MYLK3: variants seen among roughly 807,000 people sequenced by gnomAD.
The protein encoded by MYLK3 is myosin light chain kinase 3.
A neutral mutation model predicts 76.3 loss-of-function variants in MYLK3; 55 were observed. The ratio of observed to expected loss-of-function variants is 0.72; its 90% CI spans 0.58 to 0.90. MYLK3 has a LOEUF of 0.90. Among genes scored for constraint, MYLK3 ranks in the 40% least tolerant of loss-of-function variants. The pLI, the probability that MYLK3 is intolerant of heterozygous loss-of-function variation, is 0.00. For synonymous variants in MYLK3, 416 were observed against 425.4 expected (o/e 0.98, Z 0.27); for missense variants, 973 against 1,053.6 (o/e 0.92, Z 1.06).
Position 46,709,595 on chromosome 16 carries a change from T to C in MYLK3, c.2344A>G (p.Thr782Ala). 1 of 1,614,154 alleles carries C rather than the reference T, an allele frequency of 6.2e-7. No individual in the cohort carries two copies. Among genetic ancestry groups the C allele is most frequent in the Non-Finnish European group, 8.5e-7 (1 of 1,180,012 alleles). Reference sequence around the variant, plus strand: ...AGCAGTAGTTGGGATTTGAGACGAGTTTTGGATCTTGAAGCTTTGGCAGGC... The same window carrying C: ...AGCAGTAGTTGGGATTTGAGACGAGCTTTGGATCTTGAAGCTTTGGCAGGC... ...NLPAKASRSK[T>A]RLKSQLLLQK... is the part of the protein sequence containing the mutation. Residue 782 changes from threonine to alanine, a missense_variant, in exon 12 of 13, where the codon ACT becomes GCT. Transcript: ENST00000394809.
At chr16:46,757,447 G>A (rs752179409) in intron 1 of MYLK3, 34 of 985,298 alleles carry the variant, frequency 3.5e-5, no homozygotes, top group South Asian at 4.7e-5. Context: ...GTAACCCGAC[G>A]CCCGCTGCTG....
rs981746151 is a variant in MYLK3 at position 46,702,681 on chromosome 16, G to C, written c.*5023C>G. Reference sequence around the variant, plus strand: ...TCACACCTGTAATCCCAGCACTTTGGGAGGCCGAGGTGGGCAGATCACGAG... The same window carrying C: ...TCACACCTGTAATCCCAGCACTTTGCGAGGCCGAGGTGGGCAGATCACGAG... On this transcript the variant is annotated 3_prime_UTR_variant, in exon 13 of 13. Coordinates refer to ENST00000394809, the MANE Select transcript of MYLK3 (RefSeq NM_182493.3). 5.6e-4 allele frequency among the ~76,000 whole-genome samples: 85 copies of C among 152,270 alleles called. No individual in the cohort carries two copies. The highest frequency in any genetic ancestry group is 1.9e-3 in the African/African-American group (79 of 41,546).
intron 1 of MYLK3, among the ~76,000 whole-genome samples, chr16:46,754,539 A>G (rs1207929434): frequency 6.6e-6 from 1 of 152,188 alleles, no homozygotes; most frequent in Non-Finnish European, 1.5e-5. Context: ...CCCCTTCGCC[A>G]TGGGATACCC....
At chr16:46,717,088 A>T (rs1484054618) in intron 9 of MYLK3, among the ~76,000 whole-genome samples, 1 of 152,200 alleles carries the variant, frequency 6.6e-6, no homozygotes, top group African/African-American at 2.4e-5. Context: ...GGGAACCCCA[A>T]CATGAAGACA....
Position 46,747,803 on chromosome 16 carries a change from T to G in MYLK3, c.391A>C (p.Thr131Pro). Residue 131 changes from threonine to proline, a missense_variant, in exon 1 of 13, where the codon ACG (threonine) becomes CCG (proline). Physicochemically the swap from Thr to Pro is conservative, Grantham distance 38 (BLOSUM62 -1). Coordinates refer to ENST00000394809, the MANE Select transcript of MYLK3 (RefSeq NM_182493.3). ...VDRAIALVGA[T>P]FQKSKVADFL... The stretch of plus-strand genomic sequence containing the variant: ...TCCGCCACCTTTGATTTCTGGAACG[T>G]GGCCCCCACCAAAGCGATGGCCCTG... The G allele has an allele frequency of 6.2e-7, 1 of 1,614,214 alleles. No individual in the cohort carries two copies. The highest frequency in any genetic ancestry group is 8.5e-7 in the Non-Finnish European group (1 of 1,180,038).
intron 1 of MYLK3, among the ~76,000 whole-genome samples, chr16:46,754,321 A>G (rs895318896): frequency 1.3e-5 from 2 of 152,148 alleles, no homozygotes; most frequent in Admixed American, 1.3e-4. Context: ...AAGAAAAAAA[A>G]AAAACACATA....
intron 1 of MYLK3, among the ~76,000 whole-genome samples, chr16:46,762,023 A>T (rs1376690527): frequency 1.3e-5 from 2 of 152,136 alleles, no homozygotes; most frequent in Non-Finnish European, 2.9e-5. Flanking sequence ...TGTTGCCAAA[A>T]CACAGGGGCG....
chr16:46,758,731 G>GT (rs1311734507), intron 1 of MYLK3, among the ~76,000 whole-genome samples: 2 of 152,148 alleles, frequency 1.3e-5, no homozygotes, highest in Non-Finnish European at 2.9e-5. Flanking sequence ...CACACAGCAC[G>GT]TAAGTAGCAA....
At chr16:46,739,911 T>C (rs1256154047) in intron 2 of MYLK3, 146 bp downstream of exon 2, 5 of 605,688 alleles carry the variant, frequency 8.3e-6, no homozygotes, top group Non-Finnish European at 1.5e-5. Flanking sequence ...TGGTGGGATA[T>C]ATATGACAAA....
At chr16:46,712,885 A>T (rs1966698683) in intron 9 of MYLK3, 109 bp from the exon 10 acceptor site, 1 of 1,171,198 alleles carries the variant, frequency 8.5e-7, no homozygotes, top group Non-Finnish European at 1.1e-6. Flanking sequence ...CATCAGCCAT[A>T]TGGCCTGGAC....
At chr16:46,718,609 A>G (rs774562424) in intron 9 of MYLK3, among the ~76,000 whole-genome samples, 1 of 152,034 alleles carries the variant, frequency 6.6e-6, no homozygotes, top group Non-Finnish European at 1.5e-5. Flanking sequence ...GTTTCCTTCC[A>G]CTCGTGGATG....
chr16:46,734,983 C>T (rs1169298908), intron 3 of MYLK3, among the ~76,000 whole-genome samples: 2 of 151,602 alleles, frequency 1.3e-5, no homozygotes, highest in Admixed American at 6.6e-5. Flanking sequence ...TCTACAAAAA[C>T]ATAAAAAATT....
chr16:46,711,642 C>G (rs1031396213), intron 10 of MYLK3: 7 of 441,830 alleles, frequency 1.6e-5, no homozygotes, highest in African/African-American at 1.2e-4. Flanking sequence ...TCCCAAAGTG[C>G]TGGGATTATA....
intron 2 of MYLK3, among the ~76,000 whole-genome samples, chr16:46,738,639 T>G (rs959113021): frequency 6.6e-6 from 1 of 152,226 alleles, no homozygotes; most frequent in Non-Finnish European, 1.5e-5. Context: ...TGGAGAATGG[T>G]GTGTCTGGCA....
intron 4 of MYLK3, 76 bp from the exon 5 acceptor site, chr16:46,730,774 CT>C: frequency 7.8e-7 from 1 of 1,276,646 alleles, no homozygotes; most frequent in Non-Finnish European, 1.1e-6. Context: ...GCCAGACCCA[CT>C]TAGCTTCTCT....
upstream of MYLK3, among the ~76,000 whole-genome samples, chr16:46,749,314 T>G (rs1208589673): frequency 6.6e-6 from 1 of 152,208 alleles, no homozygotes; most frequent in Non-Finnish European, 1.5e-5. Flanking sequence ...AGAGGGGCAT[T>G]TGCCCAAGGT....
chr16:46,728,479 G>A (rs1966846549), intron 7 of MYLK3, among the ~76,000 whole-genome samples: 1 of 152,206 alleles, frequency 6.6e-6, no homozygotes, highest in South Asian at 2.1e-4. Flanking sequence ...CCAGCACTTT[G>A]GGAAGCTGAG....
At chr16:46,711,664 G>A (rs1386913541) in intron 10 of MYLK3, 11 of 437,144 alleles carry the variant, frequency 2.5e-5, no homozygotes, top group Non-Finnish European at 4.6e-5. Flanking sequence ...GCATGATCCA[G>A]CTCCATTTGT....
intron 9 of MYLK3, among the ~76,000 whole-genome samples, chr16:46,715,915 C>T (rs1322009199): frequency 6.6e-6 from 1 of 152,194 alleles, no homozygotes; most frequent in Non-Finnish European, 1.5e-5. Flanking sequence ...TGCAAAACCC[C>T]CACAGATCCT....
Sources: gnomAD v4.1 joint callset for allele counts (sites outside exome capture counted in the v4.1 genomes callset) on GRCh38, gnomAD v4.1.1 for gene constraint, MANE v1.5 for transcripts, NCBI Gene and HGNC (gene_info 2026-07-23, HGNC 2026-07-21) for gene names.